ROCK1: variants seen among roughly 807,000 people sequenced by gnomAD.
The protein encoded by ROCK1 is rho-associated protein kinase 1.
Under a neutral mutation model 196.8 loss-of-function variants are expected in ROCK1, and 36 were observed. That is an observed-to-expected ratio of 0.18 (90% CI 0.14 to 0.24). ROCK1 has a LOEUF of 0.24. ROCK1 is among the 10% of genes least tolerant of loss of function. The pLI, the probability that ROCK1 is intolerant of heterozygous loss-of-function variation, is 1.00. For synonymous variants in ROCK1, 443 were observed against 515.9 expected, an observed-to-expected ratio of 0.86 and a Z score of 1.91; for missense variants, 920 against 1,562.0, an observed-to-expected ratio of 0.59 and a Z score of 6.93.
intron 1 of ROCK1, among the ~76,000 whole-genome samples, chr18:21,082,941 C>T (rs2036494705): frequency 6.6e-6 from 1 of 152,096 alleles, no homozygotes; most frequent in African/African-American, 2.4e-5. Context: ...AGATTACACA[C>T]ACACCAAAAC....
At chr18:21,030,998 G>A (rs1218566827) in intron 9 of ROCK1, among the ~76,000 whole-genome samples, 3 of 152,270 alleles carry the variant, frequency 2.0e-5, no homozygotes, top group Non-Finnish European at 2.9e-5. Flanking sequence ...GGCATTTAAG[G>A]AAATCTCTGT....
rs373944875 is a variant in ROCK1 at position 21,110,795 on chromosome 18, C to CA, written c.93+22dup. 9.2e-4 allele frequency: 1,468 copies of CA among 1,598,070 alleles called. 14 individuals are homozygous for CA. In the African/African-American group the frequency reaches 0.016, roughly 18 times the overall value. On this transcript the variant is annotated intron_variant, in intron 1 of 32. Coordinates refer to ENST00000399799, the MANE Select transcript of ROCK1 (RefSeq NM_005406.3). ...AAAGACATGCAAAACCCCAGACAAG[C>CA]AAAAGAGAACAGCGCTACTCACCAG...
At chr18:20,993,037 T>A in intron 16 of ROCK1, 100 bp from the exon 17 acceptor site, 1 of 652,602 alleles carries the variant, frequency 1.5e-6, no homozygotes, top group Non-Finnish European at 2.6e-6. Flanking sequence ...TTTAATGTAT[T>A]AAGTTTCCTG....
chr18:21,058,871 A>G (rs1032498168), intron 2 of ROCK1, among the ~76,000 whole-genome samples: 2 of 152,110 alleles, frequency 1.3e-5, no homozygotes, highest in East Asian at 1.9e-4. Context: ...GAGCCACTGC[A>G]ACCAGCACTG....
At chr18:21,020,638 G>A (rs890129906) in intron 11 of ROCK1, among the ~76,000 whole-genome samples, 1 of 152,140 alleles carries the variant, frequency 6.6e-6, no homozygotes, top group Non-Finnish European at 1.5e-5. Context: ...ACTCTGCCAA[G>A]AATATATAAT....
rs910168742 is a variant in ROCK1, at chr18:21,041,986, C to T, written c.959+111G>A. ...ATAAAATTACATCAGGTTTCACTGT[C>T]ATTTATATTCTAACAATTTACATGT... On this transcript the variant is annotated intron_variant, in intron 8 of 32. Transcript: ENST00000399799. 3.0e-6 allele frequency: 3 copies of T among 997,420 alleles called. No homozygotes were observed. In the African/African-American group the frequency reaches 5.1e-5, roughly 17 times the overall value. The allele number at this position is 997,420 out of a possible 1,614,324, so 61.8% of individuals were successfully genotyped here. A position where few individuals can be genotyped will look rare whatever the true frequency, so the allele number is the denominator to read the frequency against.
intron 2 of ROCK1, among the ~76,000 whole-genome samples, chr18:21,054,326 T>G (rs1276553985): frequency 6.6e-6 from 1 of 152,208 alleles, no homozygotes; most frequent in South Asian, 2.1e-4. Context: ...TTTTGACTTT[T>G]TTTTCAATCA....
intron 11 of ROCK1, among the ~76,000 whole-genome samples, chr18:21,022,445 C>A (rs1202530991): frequency 6.6e-6 from 1 of 152,122 alleles, no homozygotes; most frequent in Non-Finnish European, 1.5e-5. Context: ...CCCTTCTAAC[C>A]TTGAAAATTC....
rs551334301 is a variant in ROCK1, at chr18:21,068,123, CCTAT to C, written c.175+2405_175+2408del. Among the ~76,000 whole-genome samples the C allele has an allele frequency of 2.0e-4, 30 of 152,210 alleles. No homozygotes were observed. In the South Asian group the frequency reaches 5.4e-3, roughly 27 times the overall value. ...CAAAAATGGTTTGTGTTATTTGTGTCCTATCTAAGAAAAACTTGCCTAAGGAAAG... is the reference window on the plus strand; with the variant it reads ...CAAAAATGGTTTGTGTTATTTGTGTCCTAAGAAAAACTTGCCTAAGGAAAG... On this transcript the variant is annotated intron_variant, in intron 2 of 32. Coordinates refer to ENST00000399799, the MANE Select transcript of ROCK1 (RefSeq NM_005406.3).
chr18:20,980,915 CAAA>C (rs570087798), intron 21 of ROCK1, among the ~76,000 whole-genome samples: 4 of 55,752 alleles, frequency 7.2e-5, no homozygotes, highest in South Asian at 6.5e-4. Flanking sequence ...GATTCCATCT[CAAA>C]AAAAAAAAAA....
intron 2 of ROCK1, among the ~76,000 whole-genome samples, chr18:21,054,021 A>G (rs1031417828): frequency 1.3e-5 from 2 of 152,248 alleles, no homozygotes; most frequent in African/African-American, 4.8e-5. Flanking sequence ...CAAGGAGAGC[A>G]TCACATATGG....
At chr18:20,962,507 T>C (rs1224252395) in intron 27 of ROCK1, among the ~76,000 whole-genome samples, 2 of 152,164 alleles carry the variant, frequency 1.3e-5, no homozygotes, top group Non-Finnish European at 2.9e-5. Flanking sequence ...ACAATCAATG[T>C]CAAAAATATT....
At chr18:21,059,499 T>C (rs1009096622) in intron 2 of ROCK1, among the ~76,000 whole-genome samples, 6 of 152,200 alleles carry the variant, frequency 3.9e-5, no homozygotes, top group Non-Finnish European at 8.8e-5. Context: ...TACTGAAATA[T>C]TAAAAACACT....
Position 20,954,889 on chromosome 18 carries a change from G to A in ROCK1, c.3747C>T (p.Leu1249=), listed in dbSNP as rs1202435370. ...PANCDACAKP[L]WHVFKPPPAL... Reference sequence around the variant, plus strand: ...CAGGGGGTGGCTTAAAAACATGCCAGAGAGGTTTGGCACAGGCATCACAAT... The same window carrying A: ...CAGGGGGTGGCTTAAAAACATGCCAAAGAGGTTTGGCACAGGCATCACAAT... The change falls in exon 31 of 33, where the codon CTC becomes CTT. Residue 1249 remains leucine (L), a synonymous_variant. Transcript: ENST00000399799. 12 of 1,613,852 alleles carry A rather than the reference G, an allele frequency of 7.4e-6. No individual in the cohort carries two copies. The highest frequency in any genetic ancestry group is 9.3e-6 in the Non-Finnish European group (11 of 1,179,848).
At chr18:20,955,097 A>C (rs2035229319) in intron 30 of ROCK1, 53 bp from the exon 31 acceptor site, 1 of 1,526,766 alleles carries the variant, frequency 6.5e-7, no homozygotes, top group Admixed American at 2.2e-5. Context: ...AAGCATTGGT[A>C]TATTTTACAT....
chr18:21,012,978 T>C (rs542654832), intron 13 of ROCK1, among the ~76,000 whole-genome samples: 1 of 152,360 alleles, frequency 6.6e-6, no homozygotes, highest in South Asian at 2.1e-4. Context: ...CTATTTTATA[T>C]TGTCTATGTC....
At chr18:20,994,894 T>C (rs939719052) in intron 16 of ROCK1, among the ~76,000 whole-genome samples, 4 of 152,116 alleles carry the variant, frequency 2.6e-5, no homozygotes, top group Non-Finnish European at 4.4e-5. Context: ...AAACACTAGG[T>C]ATCATAATCT....
At chr18:21,095,181 C>T (rs1223861843) in intron 1 of ROCK1, among the ~76,000 whole-genome samples, 1 of 146,662 alleles carries the variant, frequency 6.8e-6, no homozygotes, top group Non-Finnish European at 1.5e-5. Flanking sequence ...GTTAAAGTAG[C>T]TTTTTTTTTT....
intron 7 of ROCK1, 72 bp from the exon 8 acceptor site, chr18:21,042,307 C>A: frequency 7.5e-7 from 1 of 1,331,302 alleles, no homozygotes; most frequent in Non-Finnish European, 1.0e-6. Flanking sequence ...AAGGAAGAGT[C>A]AAAGTTACCC....
Sources: allele counts gnomAD v4.1 joint callset (sites outside exome capture counted in the v4.1 genomes callset), GRCh38; gene constraint gnomAD v4.1.1; transcripts MANE v1.5; gene names NCBI Gene and HGNC (gene_info 2026-07-23, HGNC 2026-07-21).